CFAP52: variants seen among roughly 807,000 people sequenced by gnomAD.
CFAP52 encodes the protein cilia and flagella associated protein 52.
CFAP52 carries 57 observed loss-of-function variants against 70.5 expected under a neutral mutation model. That is an observed-to-expected ratio of 0.81 (90% CI 0.65 to 1.01). The LOEUF (loss-of-function observed/expected upper bound fraction) is 1.01, where lower values mean the gene tolerates loss of function less well. CFAP52 is among the 50% of genes least tolerant of loss of function. The pLI is 0.00. For missense variants in CFAP52, 785 were observed against 788.5 expected, an observed-to-expected ratio of 1.00 and a Z score of 0.05; for synonymous variants, 267 against 292.5, an observed-to-expected ratio of 0.91 and a Z score of 0.89.
intron 8 of CFAP52, among the ~76,000 whole-genome samples, chr17:9,622,424 G>T (rs768509604): frequency 6.6e-6 from 1 of 151,832 alleles, no homozygotes; most frequent in Non-Finnish European, 1.5e-5. Context: ...CATGTTGGTG[G>T]CACTGCCTCT....
chr17:9,614,626 T>TA (rs1443672092), intron 8 of CFAP52, among the ~76,000 whole-genome samples: 1 of 152,184 alleles, frequency 6.6e-6, no homozygotes, highest in Non-Finnish European at 1.5e-5. Flanking sequence ...ATTTATTTAT[T>TA]AAAAAAAGGA....
At chr17:9,583,861 T>C (rs912319258) in intron 1 of CFAP52, among the ~76,000 whole-genome samples, 1 of 152,204 alleles carries the variant, frequency 6.6e-6, no homozygotes, top group Non-Finnish European at 1.5e-5. Flanking sequence ...AAAATCAAGT[T>C]TGGGCCACTT....
chr17:9,594,295 G>A lies in CFAP52; in HGVS notation c.510G>A (p.Arg170=). The part of the protein sequence containing the change: ...NATNVIFSRC[R]DEMFMTAGNG... ...CCAATGTGATCTTCTCCAGGTGCCGGGATGAGATGTTTATGACTGCTGGAA... is the reference window on the plus strand; with the variant it reads ...CCAATGTGATCTTCTCCAGGTGCCGAGATGAGATGTTTATGACTGCTGGAA... Residue 170 remains arginine (R), a synonymous_variant, in exon 4 of 14, where the codon CGG becomes CGA. Transcript: ENST00000352665. The A allele has an allele frequency of 3.7e-6, 6 of 1,613,832 alleles. No homozygotes were observed. The highest frequency in any genetic ancestry group is 5.1e-6 in the Non-Finnish European group (6 of 1,179,928).
intron 2 of CFAP52, 112 bp from the exon 3 acceptor site, chr17:9,586,578 AAAAAAAAG>A: frequency 1.5e-6 from 2 of 1,350,552 alleles, no homozygotes; most frequent in Non-Finnish European, 2.0e-6. Context: ...CAAAAAAAAA[AAAAAAAAG>A]AAAGAAAAAA....
chr17:9,608,687 T>A (rs1597782502), intron 7 of CFAP52, among the ~76,000 whole-genome samples: 2 of 152,372 alleles, frequency 1.3e-5, no homozygotes, highest in Middle Eastern at 6.8e-3. Context: ...CATTTCTATA[T>A]GCCAGATACT....
downstream of CFAP52, among the ~76,000 whole-genome samples, chr17:9,644,279 A>G (rs1327134888): frequency 6.6e-6 from 1 of 151,942 alleles, no homozygotes; most frequent in African/African-American, 2.4e-5. Context: ...CTAATTTTGT[A>G]TTTTTAGTCG....
chr17:9,604,799 AAAT>A (rs1909418486), intron 6 of CFAP52, among the ~76,000 whole-genome samples: 1 of 148,432 alleles, frequency 6.7e-6, no homozygotes. Flanking sequence ...ATAAATAAAT[AAAT>A]AAAAGAAGAT....
At chr17:9,584,085 G>T in intron 1 of CFAP52, 1 of 609,972 alleles carries the variant, frequency 1.6e-6, no homozygotes, top group Non-Finnish European at 2.2e-6. Context: ...CAATATGTTG[G>T]GGCCTTCTGC....
intron 6 of CFAP52, among the ~76,000 whole-genome samples, chr17:9,601,920 G>T (rs537102478): frequency 2.6e-4 from 39 of 152,232 alleles, no homozygotes; most frequent in African/African-American, 8.2e-4. Context: ...ATATTCTCAA[G>T]AAACTTTGAA....
chr17:9,610,817 GT>G (rs1208577970), intron 7 of CFAP52, among the ~76,000 whole-genome samples: 11 of 152,154 alleles, frequency 7.2e-5, no homozygotes, highest in Non-Finnish European at 1.6e-4. Flanking sequence ...AGGATTACAG[GT>G]GTGAGCCACC....
At chr17:9,607,572 G>C (rs191534377) in intron 6 of CFAP52, among the ~76,000 whole-genome samples, 1 of 152,092 alleles carries the variant, frequency 6.6e-6, no homozygotes, top group African/African-American at 2.4e-5. Flanking sequence ...TAATACAGTC[G>C]CCAAACAATA....
intron 1 of CFAP52, among the ~76,000 whole-genome samples, chr17:9,583,298 A>G (rs916540677): frequency 6.6e-6 from 1 of 152,204 alleles, no homozygotes; most frequent in Admixed American, 6.6e-5. Flanking sequence ...CATTTATTCA[A>G]TAATTACATT....
At chr17:9,623,482 A>G (rs1910122542) in intron 8 of CFAP52, among the ~76,000 whole-genome samples, 1 of 152,176 alleles carries the variant, frequency 6.6e-6, no homozygotes, top group Non-Finnish European at 1.5e-5. Flanking sequence ...AAACTCCATC[A>G]ATGCAATATT....
intron 8 of CFAP52, among the ~76,000 whole-genome samples, chr17:9,612,915 T>A (rs1304898518): frequency 6.6e-6 from 1 of 152,154 alleles, no homozygotes; most frequent in African/African-American, 2.4e-5. Context: ...ATAAATTACA[T>A]GAGATATTCG....
chr17:9,612,198 G>T (rs1468518684), intron 7 of CFAP52, 111 bp from the exon 8 acceptor site: 8 of 1,353,966 alleles, frequency 5.9e-6, no homozygotes, highest in Admixed American at 2.0e-5. Flanking sequence ...ACTTCTGTGA[G>T]GGCGTGTCTG....
intron 6 of CFAP52, among the ~76,000 whole-genome samples, chr17:9,604,259 GA>G (rs1198133772): frequency 2.0e-5 from 3 of 152,094 alleles, no homozygotes; most frequent in Non-Finnish European, 4.4e-5. Context: ...ACCCATGAAA[GA>G]AAGAATTGAA....
chr17:9,592,849 G>A (rs555547286), intron 3 of CFAP52, among the ~76,000 whole-genome samples: 1 of 152,296 alleles, frequency 6.6e-6, no homozygotes, highest in African/African-American at 2.4e-5. Flanking sequence ...GTGTGGACAT[G>A]TCTTCATTTC....
chr17:9,635,324 G>A (rs1910722877), intron 10 of CFAP52, 81 bp from the exon 11 acceptor site: 1 of 1,565,216 alleles, frequency 6.4e-7, no homozygotes, highest in South Asian at 1.2e-5. Flanking sequence ...CATAGCAAAG[G>A]GGAAAAAGCT....
intron 8 of CFAP52, among the ~76,000 whole-genome samples, chr17:9,615,985 G>A (rs937775394): frequency 2.6e-5 from 4 of 151,250 alleles, no homozygotes; most frequent in South Asian, 2.1e-4. Context: ...ATAGTTTTTC[G>A]GGGGGAGGAG....
Sources: gnomAD v4.1 joint callset for allele counts (sites outside exome capture counted in the v4.1 genomes callset) on GRCh38, gnomAD v4.1.1 for gene constraint, MANE v1.5 for transcripts, NCBI Gene and HGNC (gene_info 2026-07-23, HGNC 2026-07-21) for gene names.